The following SP2 variants were observed in gnomAD, a reference collection of about 807,000 sequenced individuals.
SP2 encodes transcription factor Sp2.
Under a neutral mutation model 50.1 loss-of-function variants are expected in SP2, and 9 were observed. The observed-to-expected ratio is 0.18, with a 90% CI of 0.11 to 0.31. SP2 has a LOEUF of 0.31. Ranked by LOEUF, SP2 falls within the 10% of genes least tolerant of loss-of-function variation. The pLI, the probability that SP2 is intolerant of heterozygous loss-of-function variation, is 1.00. For synonymous variants in SP2, 313 were observed against 326.6 expected (o/e 0.96, Z 0.45); for missense variants, 581 against 806.5 (o/e 0.72, Z 3.39).
chr17:47,917,209 A>G (rs2035247323), intron 3 of SP2, 79 bp downstream of exon 3: 2 of 1,419,218 alleles, frequency 1.4e-6, no homozygotes, highest in Non-Finnish European at 1.9e-6. Context: ...GATGCTGGTC[A>G]TCTCCCAGCT....
chr17:47,929,118 G>A (rs762429330), downstream of SP2, among the ~76,000 whole-genome samples: 3 of 152,246 alleles, frequency 2.0e-5, no homozygotes, highest in Admixed American at 6.5e-5. Flanking sequence ...AAAAGGGGCC[G>A]CGGCCACATA....
At chr17:47,919,932 G>A (rs1256504658) in intron 3 of SP2, among the ~76,000 whole-genome samples, 6 of 146,620 alleles carry the variant, frequency 4.1e-5, no homozygotes, top group African/African-American at 1.5e-4. Context: ...CAACTCCTGG[G>A]TTCAAGCGAT....
chr17:47,923,397 G>A (rs569258544), intron 4 of SP2, 123 bp downstream of exon 4: 1 of 785,194 alleles, frequency 1.3e-6, no homozygotes, highest in African/African-American at 1.7e-5. Context: ...ATAGCTTAAG[G>A]GTACGTCCAC....
intron 1 of SP2, 38 bp from the exon 2 acceptor site, chr17:47,915,274 G>A: frequency 6.9e-7 from 1 of 1,441,550 alleles, no homozygotes; most frequent in Non-Finnish European, 9.5e-7. Flanking sequence ...TTCTTTTTGG[G>A]CATTTTATAC....
chr17:47,923,036 C>T lies in SP2; in HGVS notation c.1134C>T (p.Ala378=), dbSNP rs1382154587. 21 of 1,614,064 alleles carry T rather than the reference C, an allele frequency of 1.3e-5. No homozygotes were observed. The highest frequency in any genetic ancestry group is 1.6e-5 in the Non-Finnish European group (19 of 1,180,024). ...ACAGCCCCCCAGCAACAGCTGCAGCCACCTCTAACACCACCTGTAGCAGCC... is the reference window on the plus strand; with the variant it reads ...ACAGCCCCCCAGCAACAGCTGCAGCTACCTCTAACACCACCTGTAGCAGCC... ...VQDSPPATAA[A]TSNTTCSSPA... is the part of the protein sequence containing the mutation. Residue 378 remains alanine (A), a synonymous_variant, in exon 4 of 7, where the codon GCC becomes GCT. Coordinates refer to ENST00000376741, the MANE Select transcript of SP2 (RefSeq NM_003110.6).
rs917807555 is a variant in SP2 at position 47,896,278 on chromosome 17, G to A, written c.-9G>A. On this transcript the variant is annotated 5_prime_UTR_variant, in exon 1 of 7. Coordinates refer to ENST00000376741, the MANE Select transcript of SP2 (RefSeq NM_003110.6). ...GGAGGCGGCGGAGGCCAGGGAGGAA[G>A]ATGTCGTAATGAGCGGTGGGTCCCG... 2 of 1,240,172 alleles carry A rather than the reference G, an allele frequency of 1.6e-6. No individual in the cohort carries two copies. 76.8% of individuals were successfully genotyped at this position (1,240,172 alleles called of 1,614,324 possible).
intron 1 of SP2, among the ~76,000 whole-genome samples, chr17:47,906,529 C>A (rs568361616): frequency 6.6e-6 from 1 of 152,254 alleles, no homozygotes; most frequent in South Asian, 2.1e-4. Flanking sequence ...CCAGAAAGGC[C>A]TCTCTGAGGA....
intron 4 of SP2, among the ~76,000 whole-genome samples, chr17:47,923,544 T>C (rs993896628): frequency 2.0e-5 from 3 of 152,224 alleles, no homozygotes. Flanking sequence ...AAAGACGGCT[T>C]CTTGAAGGAG....
At chr17:47,919,198 C>G (rs2035334868) in intron 3 of SP2, among the ~76,000 whole-genome samples, 1 of 152,006 alleles carries the variant, frequency 6.6e-6, no homozygotes, top group Admixed American at 6.6e-5. Context: ...TTGCTTGAGC[C>G]CAGGAATTCA....
At chr17:47,915,474 A>G (rs1347570302) in intron 2 of SP2, 86 bp downstream of exon 2, 2 of 811,246 alleles carry the variant, frequency 2.5e-6, no homozygotes, top group African/African-American at 3.5e-5. Flanking sequence ...CTGTCTCACT[A>G]TAAATACCCT....
chr17:47,903,191 C>T (rs1163666638), intron 1 of SP2, among the ~76,000 whole-genome samples: 1 of 152,132 alleles, frequency 6.6e-6, no homozygotes, highest in Non-Finnish European at 1.5e-5. Flanking sequence ...TCTAAACCCA[C>T]GAGACTAGAC....
chr17:47,916,810 G>A lies in SP2; in HGVS notation c.739G>A (p.Ala247Thr). 2 of 1,614,152 alleles carry A rather than the reference G, an allele frequency of 1.2e-6. No individual in the cohort carries two copies. The highest frequency in any genetic ancestry group is 1.7e-6 in the Non-Finnish European group (2 of 1,179,990). Reference protein sequence around the residue: ...PTPLSKTNKKARKKSLPASQP... With the variant: ...PTPLSKTNKKTRKKSLPASQP... ...CCCGCTGTCTAAGACTAACAAGAAA[G>A]CAAGGAAGAAGAGCCTTCCTGCCTC... The change falls in exon 3 of 7, where the codon GCA becomes ACA. Residue 247 changes from alanine (A) to threonine (T), a missense_variant. Physicochemically the swap from Ala to Thr is moderately conservative, Grantham distance 58 (BLOSUM62 0). Around this residue, in one of 2 missense-constraint regions of SP2, gnomAD observed 397 missense variants for 491.0 expected, o/e 0.81. Coordinates refer to ENST00000376741, the MANE Select transcript of SP2 (RefSeq NM_003110.6). The surrounding 1 kb of genome is among the most constrained non-coding windows in gnomAD (Gnocchi z 4.7).
At chr17:47,904,029 G>A (rs1292425609) in intron 1 of SP2, among the ~76,000 whole-genome samples, 4 of 152,008 alleles carry the variant, frequency 2.6e-5, no homozygotes, top group Admixed American at 1.3e-4. Flanking sequence ...TTGGGAGGCT[G>A]AGACTGGCGG....
At chr17:47,914,132 A>G (rs905669004) in intron 1 of SP2, among the ~76,000 whole-genome samples, 2 of 152,190 alleles carry the variant, frequency 1.3e-5, no homozygotes, top group East Asian at 3.9e-4. Flanking sequence ...ACACTTTGGG[A>G]GACTGAGGCA....
At chr17:47,921,928 G>A (rs1322085955) in intron 3 of SP2, among the ~76,000 whole-genome samples, 1 of 152,168 alleles carries the variant, frequency 6.6e-6, no homozygotes, top group Admixed American at 6.5e-5. Flanking sequence ...GTAGATAGAT[G>A]TAGATAAACT....
In SP2 at chr17:47,919,825, C is replaced by CTTTTTTTTTTTTTTTTTTTTTTTTT. The variant is rs141856390; in HGVS notation, c.1059+2717_1059+2718insTTTTTTTTTTTTTTTTTTTTTTTTT. On this transcript the variant is annotated intron_variant, in intron 3 of 6. Coordinates refer to ENST00000376741, the MANE Select transcript of SP2 (RefSeq NM_003110.6). ...TTTGATCTGAAACACTTTGTCATTCCTTTTTTTTTTTTTTTTTTTTTTCTG... is the reference window on the plus strand; with the variant it reads ...TTTGATCTGAAACACTTTGTCATTCCTTTTTTTTTTTTTTTTTTTTTTTTTTTTTTTTTTTTTTTTTTTTTTTCTG... 9.5e-5 allele frequency among the ~76,000 whole-genome samples: 9 copies of CTTTTTTTTTTTTTTTTTTTTTTTTT among 94,800 alleles called. 1 individual carries two copies. The highest frequency in any genetic ancestry group is 1.3e-4 in the Non-Finnish European group (7 of 53,008). 62.2% of individuals were successfully genotyped at this position (94,800 alleles called of 152,430 possible).
At chr17:47,929,455 C>G (rs1019488123), downstream of SP2, among the ~76,000 whole-genome samples, 1 of 152,186 alleles carries the variant, frequency 6.6e-6, no homozygotes, top group African/African-American at 2.4e-5. Context: ...AAGTGAAGGG[C>G]GAGGCAGGTT....
intron 1 of SP2, among the ~76,000 whole-genome samples, chr17:47,900,547 C>T (rs1458581797): frequency 2.0e-5 from 3 of 152,206 alleles, no homozygotes; most frequent in African/African-American, 7.2e-5. Context: ...GAGGCTGAGG[C>T]AGGCAGATCA....
At chr17:47,917,829 AT>A in intron 3 of SP2, 4 of 428,184 alleles carry the variant, frequency 9.3e-6, no homozygotes, top group African/African-American at 2.1e-5. Flanking sequence ...GAATGTTCTT[AT>A]TTTTGGCATT....
Sources: allele counts gnomAD v4.1 joint callset (sites outside exome capture counted in the v4.1 genomes callset), GRCh38; gene constraint gnomAD v4.1.1; regional missense constraint gnomAD v4.1.1; non-coding constraint Gnocchi (gnomAD v3.1); transcripts MANE v1.5; gene names NCBI Gene and HGNC (gene_info 2026-07-23, HGNC 2026-07-21).